AUTS2: variants seen among roughly 807,000 people sequenced by gnomAD.
The protein encoded by AUTS2 is activator of transcription and developmental regulator AUTS2.
AUTS2 carries 17 observed loss-of-function variants against 112.4 expected under a neutral mutation model. The ratio of observed to expected loss-of-function variants is 0.15; its 90% CI spans 0.10 to 0.23. The LOEUF (loss-of-function observed/expected upper bound fraction) is 0.23, where lower values mean the gene tolerates loss of function less well. AUTS2 is among the 10% of genes least tolerant of loss of function. The pLI is 1.00. For synonymous variants in AUTS2, 751 were observed against 702.7 expected, an observed-to-expected ratio of 1.07 and a Z score of -1.09; for missense variants, 1,510 against 1,701.6, an observed-to-expected ratio of 0.89 and a Z score of 1.98.
chr7:70,034,320 C>T (rs978216139), intron 2 of AUTS2, among the ~76,000 whole-genome samples: 6 of 152,134 alleles, frequency 3.9e-5, no homozygotes, highest in Admixed American at 2.6e-4. Context: ...GTGATGCTTT[C>T]TTCCTCCCTT....
At chr7:70,382,927 C>T (rs1793435477) in intron 4 of AUTS2, among the ~76,000 whole-genome samples, 1 of 152,032 alleles carries the variant, frequency 6.6e-6, no homozygotes, top group Non-Finnish European at 1.5e-5. Context: ...GCTGTATCAC[C>T]CAGAGATATC....
intron 1 of AUTS2, among the ~76,000 whole-genome samples, chr7:69,868,387 A>G (rs1793332421): frequency 6.6e-6 from 1 of 152,192 alleles, no homozygotes; most frequent in Non-Finnish European, 1.5e-5. Context: ...CCTCATTTAA[A>G]TTGTGCCCAG....
At chr7:70,469,467 C>T (rs1390625326) in intron 5 of AUTS2, among the ~76,000 whole-genome samples, 1 of 152,132 alleles carries the variant, frequency 6.6e-6, no homozygotes, top group Non-Finnish European at 1.5e-5. Context: ...TGTTTGGCAT[C>T]TCTAGAAAGC....
chr7:69,755,809 AG>A (rs1327092423), intron 1 of AUTS2, among the ~76,000 whole-genome samples: 1 of 152,168 alleles, frequency 6.6e-6, no homozygotes, highest in Non-Finnish European at 1.5e-5. Context: ...GTCAAGAAAT[AG>A]ATGATTGGGT....
At chr7:70,551,974 T>C (rs1272337039) in intron 5 of AUTS2, among the ~76,000 whole-genome samples, 1 of 152,246 alleles carries the variant, frequency 6.6e-6, no homozygotes. Flanking sequence ...CTTATTCCTT[T>C]ATGATCATTG....
chr7:70,408,189 A>AG (rs1443666363), intron 4 of AUTS2, among the ~76,000 whole-genome samples: 1 of 152,086 alleles, frequency 6.6e-6, no homozygotes, highest in Non-Finnish European at 1.5e-5. Context: ...GAAAAAAAAA[A>AG]AAAAGAATAC....
At chr7:69,773,265 T>C (rs1788743069) in intron 1 of AUTS2, among the ~76,000 whole-genome samples, 1 of 152,004 alleles carries the variant, frequency 6.6e-6, no homozygotes, top group African/African-American at 2.4e-5. Flanking sequence ...ACACCTATAA[T>C]CCCAGCACTG....
intron 5 of AUTS2, among the ~76,000 whole-genome samples, chr7:70,637,606 A>C (rs1336233414): frequency 6.6e-6 from 1 of 152,078 alleles, no homozygotes; most frequent in African/African-American, 2.4e-5. Context: ...CAATTTGAGA[A>C]CCCCTTTTTG....
chr7:70,070,139 A>AT (rs1319226577), intron 2 of AUTS2, among the ~76,000 whole-genome samples: 3 of 152,084 alleles, frequency 2.0e-5, no homozygotes, highest in African/African-American at 7.2e-5. Context: ...GTTTTCTGGT[A>AT]TTCTGGGCCT....
At chr7:70,282,646 T>C (rs1452064991) in intron 4 of AUTS2, among the ~76,000 whole-genome samples, 2 of 152,130 alleles carry the variant, frequency 1.3e-5, no homozygotes, top group Non-Finnish European at 2.9e-5. Context: ...TTTCAACATG[T>C]AGATTTTGAG....
intron 4 of AUTS2, among the ~76,000 whole-genome samples, chr7:70,206,662 G>T (rs1810590301): frequency 6.6e-6 from 1 of 152,144 alleles, no homozygotes; most frequent in Admixed American, 6.5e-5. Context: ...CCATGTATTG[G>T]CAGTCTTGTC....
intron 4 of AUTS2, among the ~76,000 whole-genome samples, chr7:70,427,843 A>G (rs530432458): frequency 6.6e-6 from 1 of 152,342 alleles, no homozygotes; most frequent in East Asian, 1.9e-4. Context: ...ACTTGCAAAA[A>G]TGTCAGATTC....
intron 4 of AUTS2, among the ~76,000 whole-genome samples, chr7:70,270,421 G>A (rs771990780): frequency 2.6e-5 from 4 of 152,138 alleles, no homozygotes; most frequent in Non-Finnish European, 5.9e-5. Context: ...GGTAGTACAC[G>A]CCAATCCTGG....
intron 14 of AUTS2, among the ~76,000 whole-genome samples, chr7:70,779,551 GTCA>G (rs1473755543): frequency 9.2e-5 from 14 of 152,198 alleles, no homozygotes; most frequent in African/African-American, 3.4e-4. Context: ...GGACGTTGCC[GTCA>G]GCAGTAAGAG....
intron 4 of AUTS2, among the ~76,000 whole-genome samples, chr7:70,141,346 A>G (rs1157716803): frequency 6.6e-6 from 1 of 152,170 alleles, no homozygotes; most frequent in Non-Finnish European, 1.5e-5. Context: ...ATCAATGACT[A>G]CAATACTCTT....
At chr7:70,446,300 G>A (rs1241863938) in intron 5 of AUTS2, among the ~76,000 whole-genome samples, 1 of 152,218 alleles carries the variant, frequency 6.6e-6, no homozygotes, top group Non-Finnish European at 1.5e-5. Context: ...CCACTAAGGG[G>A]AGAATATAGT....
chr7:69,883,287 T>C (rs1175762860), intron 1 of AUTS2, among the ~76,000 whole-genome samples: 2 of 151,820 alleles, frequency 1.3e-5, no homozygotes, highest in Admixed American at 6.6e-5. Flanking sequence ...AGTTCCTTTT[T>C]TTTTTTTTTT....
intron 2 of AUTS2, among the ~76,000 whole-genome samples, chr7:69,957,538 GAT>G (rs1030631194): frequency 3.3e-5 from 5 of 151,996 alleles, no homozygotes; most frequent in African/African-American, 1.2e-4. Context: ...TATATTTTAT[GAT>G]ATATGTGATA....
At chr7:69,871,105 C>T (rs1035690983) in intron 1 of AUTS2, among the ~76,000 whole-genome samples, 31 of 152,090 alleles carry the variant, frequency 2.0e-4, no homozygotes, top group African/African-American at 7.2e-4. Flanking sequence ...ACACTCTCTA[C>T]CTTCAGATTA....
Sources: gnomAD v4.1 joint callset for allele counts (sites outside exome capture counted in the v4.1 genomes callset) on GRCh38, gnomAD v4.1.1 for gene constraint, MANE v1.5 for transcripts, NCBI Gene and HGNC (gene_info 2026-07-23, HGNC 2026-07-21) for gene names.